The following PCMTD1 variants were observed in gnomAD, a reference collection of about 807,000 sequenced individuals.
The protein encoded by PCMTD1 is protein-L-isoaspartate (D-aspartate) O-methyltransferase domain containing 1.
In PCMTD1, 12 loss-of-function variants were observed where a neutral mutation model predicts 37.6. The observed-to-expected ratio is 0.32, with a 90% confidence interval of 0.20 to 0.52. The LOEUF (loss-of-function observed/expected upper bound fraction) is 0.52. Ranked by LOEUF, PCMTD1 falls within the 20% of genes least tolerant of loss-of-function variation. PCMTD1 has a pLI of 0.97. For missense variants in PCMTD1, 235 were observed against 421.3 expected (o/e 0.56, Z 3.87); for synonymous variants, 117 against 135.8 (o/e 0.86, Z 0.96).
chr8:51,851,301 C>T (rs571028063), intron 2 of PCMTD1, among the ~76,000 whole-genome samples: 1 of 152,286 alleles, frequency 6.6e-6, no homozygotes, highest in African/African-American at 2.4e-5. Flanking sequence ...TATGTAAATG[C>T]TACTCTCTTT....
intron 1 of PCMTD1, among the ~76,000 whole-genome samples, chr8:51,898,685 GC>G (rs1338231582): frequency 6.6e-6 from 1 of 151,708 alleles, no homozygotes; most frequent in African/African-American, 2.4e-5. Flanking sequence ...GCTTCGCTGG[GC>G]CCCTTTCGAC....
chr8:51,858,857 G>A (rs887035399), intron 2 of PCMTD1, among the ~76,000 whole-genome samples: 1 of 152,122 alleles, frequency 6.6e-6, no homozygotes, highest in Non-Finnish European at 1.5e-5. Context: ...ACTATCTAGT[G>A]CATTGTAGAT....
At chr8:51,877,674 T>C (rs1012429165) in intron 1 of PCMTD1, among the ~76,000 whole-genome samples, 3 of 152,178 alleles carry the variant, frequency 2.0e-5, no homozygotes, top group South Asian at 2.1e-4. Context: ...GCCAAACCAA[T>C]GCACCTACTG....
chr8:51,866,212 G>A (rs1016190325), intron 1 of PCMTD1, among the ~76,000 whole-genome samples: 2 of 151,626 alleles, frequency 1.3e-5, no homozygotes, highest in Non-Finnish European at 2.9e-5. Context: ...AGAAATAATA[G>A]TTAAAATGTC....
chr8:51,882,326 A>C (rs1472300267), intron 1 of PCMTD1, among the ~76,000 whole-genome samples: 1 of 152,190 alleles, frequency 6.6e-6, no homozygotes, highest in Non-Finnish European at 1.5e-5. Flanking sequence ...TTATGATCTT[A>C]ATTACTTCCT....
At chr8:51,860,020 G>A (rs193098694) in intron 2 of PCMTD1, among the ~76,000 whole-genome samples, 10 of 152,240 alleles carry the variant, frequency 6.6e-5, no homozygotes, top group Middle Eastern at 3.4e-3. Context: ...TTCATGGTTG[G>A]TCATCCTCCA....
intron 1 of PCMTD1, among the ~76,000 whole-genome samples, chr8:51,893,992 G>GT (rs2038968668): frequency 6.6e-6 from 1 of 152,202 alleles, no homozygotes; most frequent in Non-Finnish European, 1.5e-5. Flanking sequence ...AATTACAACT[G>GT]TTAGAGTACT....
At chr8:51,884,306 C>T (rs758858049) in intron 1 of PCMTD1, among the ~76,000 whole-genome samples, 11 of 152,152 alleles carry the variant, frequency 7.2e-5, no homozygotes, top group African/African-American at 9.7e-5. Context: ...TTTTATATTT[C>T]AGTATGAGAG....
At position 51,825,485 on chromosome 8, in the gene PCMTD1, G is replaced by A. The variant is rs1163955194; in HGVS notation, c.707-4767C>T. On this transcript the variant is annotated intron_variant, in intron 5 of 5. Transcript: ENST00000522514. The stretch of plus-strand genomic sequence containing the variant: ...CGAGGCGGGTGGATCATGAGGTCAG[G>A]AGATCGAGACCATCCTGGCTAACAA... 2.7e-4 allele frequency among the ~76,000 whole-genome samples: 15 copies of A among 54,624 alleles called. 4 individuals are homozygous for A. The highest frequency in any genetic ancestry group is 4.4e-4 in the African/African-American group (15 of 34,048). The allele number at this position is 54,624 out of a possible 152,430, so 35.8% of individuals were successfully genotyped here.
intron 1 of PCMTD1, among the ~76,000 whole-genome samples, chr8:51,885,017 T>G (rs1049482366): frequency 6.6e-6 from 1 of 152,186 alleles, no homozygotes; most frequent in Non-Finnish European, 1.5e-5. Context: ...ACACTAAACA[T>G]TCTCTGCTCA....
At chr8:51,883,106 C>T (rs13279973) in intron 1 of PCMTD1, among the ~76,000 whole-genome samples, 9,356 of 151,644 alleles carry the variant, frequency 0.062, 377 homozygotes, top group Non-Finnish European at 0.087. Context: ...CACTGGACTC[C>T]AGCCTGGGCG....
chr8:51,826,860 A>G (rs886631832), intron 5 of PCMTD1: 4 of 836,910 alleles, frequency 4.8e-6, no homozygotes, highest in Non-Finnish European at 5.8e-6. Context: ...CAAACAAAAA[A>G]ACCACAGAAA....
chr8:51,841,056 G>T (rs2038140703), intron 3 of PCMTD1, among the ~76,000 whole-genome samples: 2 of 152,142 alleles, frequency 1.3e-5, no homozygotes, highest in African/African-American at 2.4e-5. Flanking sequence ...TTGCTGGAAA[G>T]AAATATTAGA....
At chr8:51,821,782 G>T (rs1444315665) in intron 5 of PCMTD1, among the ~76,000 whole-genome samples, 4 of 151,580 alleles carry the variant, frequency 2.6e-5, no homozygotes, top group Admixed American at 2.6e-4. Flanking sequence ...CTGTCACCAG[G>T]CTGGAGTGCA....
chr8:51,867,023 A>C (rs2038564722), intron 1 of PCMTD1, among the ~76,000 whole-genome samples: 1 of 152,046 alleles, frequency 6.6e-6, no homozygotes, highest in East Asian at 1.9e-4. Context: ...AAGAAAACAA[A>C]TATGCCAATC....
At chr8:51,825,700 C>CAAA (rs1221587696) in intron 5 of PCMTD1, among the ~76,000 whole-genome samples, 3 of 6,934 alleles carry the variant, frequency 4.3e-4, no homozygotes, top group African/African-American at 6.0e-4. Context: ...GACTCCGTCT[C>CAAA]AAAAAAAAAA....
chr8:51,889,822 T>C (rs1051747175), intron 1 of PCMTD1, among the ~76,000 whole-genome samples: 2 of 152,042 alleles, frequency 1.3e-5, no homozygotes, highest in African/African-American at 2.4e-5. Context: ...GTTAATAGTG[T>C]CTCCTGAGCT....
chr8:51,890,519 G>A (rs2038922124), intron 1 of PCMTD1, among the ~76,000 whole-genome samples: 1 of 152,060 alleles, frequency 6.6e-6, no homozygotes, highest in South Asian at 2.1e-4. Flanking sequence ...CTAAAACAAA[G>A]ACTGTTTTGC....
At chr8:51,886,919 G>T (rs1049723905) in intron 1 of PCMTD1, among the ~76,000 whole-genome samples, 1 of 151,994 alleles carries the variant, frequency 6.6e-6, no homozygotes, top group Non-Finnish European at 1.5e-5. Flanking sequence ...AGGTTCTTTA[G>T]GAGAAATCTG....
Sources: allele counts gnomAD v4.1 joint callset (sites outside exome capture counted in the v4.1 genomes callset), GRCh38; gene constraint gnomAD v4.1.1; transcripts MANE v1.5; gene names NCBI Gene and HGNC (gene_info 2026-07-23, HGNC 2026-07-21).